PCMT1: variants seen among roughly 807,000 people sequenced by gnomAD.
PCMT1 encodes the protein protein-L-isoaspartate (D-aspartate) O-methyltransferase.
PCMT1 carries 9 observed loss-of-function variants against 29.2 expected under a neutral mutation model. The ratio of observed to expected loss-of-function variants is 0.31; its 90% CI spans 0.19 to 0.54. The LOEUF is 0.54. Among genes scored for constraint, PCMT1 ranks in the 20% least tolerant of loss-of-function variants. PCMT1 has a pLI of 0.95. For missense variants in PCMT1, 184 were observed against 282.2 expected, an observed-to-expected ratio of 0.65 and a Z score of 2.49; for synonymous variants, 98 against 97.5, an observed-to-expected ratio of 1.00 and a Z score of -0.03.
At chr6:149,749,740 C>T (rs553329321), upstream of PCMT1, 82 of 1,546,164 alleles carry the variant, frequency 5.3e-5, no homozygotes, top group African/African-American at 6.8e-5. Context: ...GCCGGGAGCG[C>T]GCAGTGGCGG....
chr6:149,750,609 G>A (rs1410304767), intron 1 of PCMT1, among the ~76,000 whole-genome samples: 3 of 152,174 alleles, frequency 2.0e-5, no homozygotes, highest in Non-Finnish European at 2.9e-5. Flanking sequence ...GTTCCTGAGA[G>A]ACTTGTATTT....
chr6:149,795,230 G>A (rs1270250916), intron 5 of PCMT1: 8 of 384,078 alleles, frequency 2.1e-5, no homozygotes, highest in Non-Finnish European at 3.4e-5. Flanking sequence ...TCTCCAACAC[G>A]ACAGCGCCAT....
At chr6:149,793,153 ACT>A (rs1396883180) in intron 4 of PCMT1, among the ~76,000 whole-genome samples, 1 of 114,420 alleles carries the variant, frequency 8.7e-6, no homozygotes, top group Admixed American at 9.5e-5. Flanking sequence ...ACAGAGCGAG[ACT>A]CTCTCTCAAA....
At chr6:149,760,067 TC>T (rs1419764650) in intron 1 of PCMT1, among the ~76,000 whole-genome samples, 1 of 152,188 alleles carries the variant, frequency 6.6e-6, no homozygotes, top group African/African-American at 2.4e-5. Flanking sequence ...CTTTTCATTT[TC>T]CCTCCTTTCA....
At chr6:149,804,580 C>T (rs1775952787) in intron 7 of PCMT1, among the ~76,000 whole-genome samples, 1 of 151,924 alleles carries the variant, frequency 6.6e-6, no homozygotes, top group Non-Finnish European at 1.5e-5. Context: ...GTGGTGCAAT[C>T]TCAGCTCACT....
At chr6:149,759,786 C>T (rs571768891) in intron 1 of PCMT1, among the ~76,000 whole-genome samples, 8 of 152,306 alleles carry the variant, frequency 5.3e-5, no homozygotes, top group African/African-American at 1.2e-4. Context: ...TGAGCCACTG[C>T]GCCCGGCCTA....
At chr6:149,772,022 G>A (rs1406754898) in intron 2 of PCMT1, 1 of 456,706 alleles carries the variant, frequency 2.2e-6, no homozygotes, top group Admixed American at 2.3e-5. Context: ...AGAAAGTCCT[G>A]TATTTAACTC....
chr6:149,793,262 T>C (rs1190194822), intron 4 of PCMT1, among the ~76,000 whole-genome samples: 1 of 152,192 alleles, frequency 6.6e-6, no homozygotes, highest in Non-Finnish European at 1.5e-5. Flanking sequence ...AAAATTATTG[T>C]ACTACTATTA....
In PCMT1 at chr6:149,802,320, A is replaced by T; in HGVS notation, c.625A>T (p.Met209Leu). 2 of 1,613,844 alleles carry T rather than the reference A, an allele frequency of 1.2e-6. No individual in the cohort carries two copies. The highest frequency in any genetic ancestry group is 1.7e-6 in the Non-Finnish European group (2 of 1,179,806). Residue 209 changes from methionine to leucine, a missense_variant, in exon 7 of 8, where the codon ATG becomes TTG. Coordinates refer to ENST00000464889, the MANE Select transcript of PCMT1 (RefSeq NM_001360452.2). ...TGGCAGCATCAAAATGAAGCCTCTG[A>T]TGGGGGTGATATACGTGCCTTTAAC... Reference protein sequence around the residue: ...QDGSIKMKPLMGVIYVPLTDK... With the variant: ...QDGSIKMKPLLGVIYVPLTDK...
In PCMT1 at chr6:149,796,548, C is replaced by G; in HGVS notation, c.504+48C>G. On this transcript the variant is annotated intron_variant, in intron 6 of 7. Transcript: ENST00000464889. ...TGTGTGTTTTTATTCAACTAAAACTCTACAAGACTTAAATAGAAAAGACTT... is the reference window on the plus strand; with the variant it reads ...TGTGTGTTTTTATTCAACTAAAACTGTACAAGACTTAAATAGAAAAGACTT... 3.2e-6 allele frequency: 4 copies of G among 1,268,996 alleles called. 1 individual carries two copies. In the South Asian group the frequency reaches 5.1e-5, roughly 16 times the overall value. 78.6% of individuals were successfully genotyped at this position (1,268,996 alleles called of 1,614,324 possible). A position where few individuals can be genotyped will look rare whatever the true frequency, so the allele number is the denominator to read the frequency against.
chr6:149,758,994 A>G (rs949914255), intron 1 of PCMT1, among the ~76,000 whole-genome samples: 1 of 152,006 alleles, frequency 6.6e-6, no homozygotes, highest in African/African-American at 2.4e-5. Context: ...CTCCTACCTC[A>G]GCCTCCCGAA....
chr6:149,760,635 C>T (rs914810420), intron 1 of PCMT1, among the ~76,000 whole-genome samples: 3 of 152,004 alleles, frequency 2.0e-5, no homozygotes, highest in African/African-American at 7.2e-5. Context: ...GGGCGGATCA[C>T]GAGGTCAGGA....
chr6:149,793,231 C>G (rs1210691322), intron 4 of PCMT1, among the ~76,000 whole-genome samples: 2 of 151,162 alleles, frequency 1.3e-5, no homozygotes, highest in East Asian at 3.9e-4. Context: ...TAAAGTTATA[C>G]TTTAGATGGA....
rs575159061 is a variant in PCMT1, at chr6:149,750,750, CCTT to C, written c.55+800_55+802del. ...TATCACTCTCCTTAGTTACTGTATTCCTTCTTCTGATGATAATTTTAGGATAGG... is the reference window on the plus strand; with the variant it reads ...TATCACTCTCCTTAGTTACTGTATTCCTTCTGATGATAATTTTAGGATAGG... On this transcript the variant is annotated intron_variant, in intron 1 of 7. Coordinates refer to ENST00000464889, the MANE Select transcript of PCMT1 (RefSeq NM_001360452.2). Among the ~76,000 whole-genome samples, 665 of 152,204 alleles carry C rather than the reference CCTT, an allele frequency of 4.4e-3. 3 individuals carry two copies. The highest frequency in any genetic ancestry group is 4.9e-3 in the Non-Finnish European group (334 of 68,004).
chr6:149,801,169 T>G (rs1161518272), intron 6 of PCMT1, among the ~76,000 whole-genome samples: 1 of 152,216 alleles, frequency 6.6e-6, no homozygotes, highest in Admixed American at 6.5e-5. Flanking sequence ...TTGGAATATT[T>G]ACATATACAT....
intron 3 of PCMT1, among the ~76,000 whole-genome samples, chr6:149,786,803 C>G (rs925710256): frequency 2.0e-5 from 3 of 148,510 alleles, no homozygotes; most frequent in Admixed American, 1.3e-4. Flanking sequence ...GGATGGTGGC[C>G]GGAAAGAGGC....
chr6:149,777,497 G>A (rs1787617989), intron 3 of PCMT1, among the ~76,000 whole-genome samples: 1 of 152,102 alleles, frequency 6.6e-6, no homozygotes, highest in African/African-American at 2.4e-5. Context: ...ATATGACAAA[G>A]TCTTCAAGAA....
chr6:149,786,635 C>T (rs1282803004), intron 3 of PCMT1, among the ~76,000 whole-genome samples: 178 of 147,740 alleles, frequency 1.2e-3, no homozygotes, highest in African/African-American at 4.1e-3. Flanking sequence ...ACCTCCCAGA[C>T]GGGGTCGCGG....
At chr6:149,783,124 A>G (rs10214845) in intron 3 of PCMT1, among the ~76,000 whole-genome samples, 80,736 of 152,010 alleles carry the variant, frequency 0.53, 24,671 homozygotes, top group East Asian at 0.83. Context: ...TCAAATTAGT[A>G]CTCCACATAT....
Sources: allele counts gnomAD v4.1 joint callset (sites outside exome capture counted in the v4.1 genomes callset), GRCh38; gene constraint gnomAD v4.1.1; transcripts MANE v1.5; gene names NCBI Gene and HGNC (gene_info 2026-07-23, HGNC 2026-07-21).